Variants in NCOA3 observed in about 807,000 individuals in gnomAD.
The protein encoded by NCOA3 is nuclear receptor coactivator 3.
In NCOA3, 51 loss-of-function variants were observed where a neutral mutation model predicts 158.8. The ratio of observed to expected loss-of-function variants is 0.32; its 90% confidence interval spans 0.26 to 0.41. The LOEUF (loss-of-function observed/expected upper bound fraction) is 0.41, where lower values mean the gene tolerates loss of function less well. NCOA3 is among the 10% of genes least tolerant of loss of function. NCOA3 has a pLI of 1.00. For missense variants in NCOA3, 1,510 were observed against 1,746.6 expected (o/e 0.86, Z 2.41); for synonymous variants, 537 against 592.4 (o/e 0.91, Z 1.36).
intron 1 of NCOA3, among the ~76,000 whole-genome samples, chr20:47,553,614 G>A (rs1420020065): frequency 7.6e-6 from 1 of 131,860 alleles, no homozygotes; most frequent in Non-Finnish European, 1.5e-5. Flanking sequence ...TGTTCTCATT[G>A]TTCAATTCCC....
intron 19 of NCOA3, 41 bp downstream of exon 19, chr20:47,649,150 C>G: frequency 7.7e-7 from 1 of 1,304,040 alleles, no homozygotes; most frequent in Non-Finnish European, 1.1e-6. Context: ...GCTCTGTGCT[C>G]AGGACAGGGC....
Position 47,640,018 on chromosome 20 carries a change from C to T in NCOA3, c.3047C>T (p.Ser1016Phe), listed in dbSNP as rs1311487976. 1.2e-6 allele frequency: 2 copies of T among 1,614,160 alleles called. No individual in the cohort carries two copies. The highest frequency in any genetic ancestry group is 2.2e-5 in the East Asian group (1 of 44,882). Reference sequence around the variant, plus strand: ...GGTTCCTGGCCCGATGGCATGTTGTCCATGGAACAAGTTTCTCATGGCACT... The same window carrying T: ...GGTTCCTGGCCCGATGGCATGTTGTTCATGGAACAAGTTTCTCATGGCACT... ...QLGSWPDGML[S>F]MEQVSHGTQN... Residue 1016 changes from serine (S) to phenylalanine (F), a missense_variant, in exon 16 of 23, where the codon TCC becomes TTC. Physicochemically the swap from Ser to Phe is radical, Grantham distance 155 (BLOSUM62 -2). Around this residue, in one of 4 missense-constraint regions of NCOA3, gnomAD observed 1,017 missense variants for 1,098.3 expected, o/e 0.93. Transcript: ENST00000371998.
At chr20:47,611,230 T>TTA (rs2086037987) in intron 2 of NCOA3, among the ~76,000 whole-genome samples, 1 of 152,176 alleles carries the variant, frequency 6.6e-6, no homozygotes, top group East Asian at 1.9e-4. Context: ...TTAATTTAAT[T>TTA]TATATCAGAT....
chr20:47,588,131 CTTTTT>C (rs33989951), intron 2 of NCOA3, among the ~76,000 whole-genome samples: 7 of 78,564 alleles, frequency 8.9e-5, no homozygotes, highest in African/African-American at 3.4e-4. Flanking sequence ...CTCCACCCCA[CTTTTT>C]TTTTTTTTTT....
At chr20:47,526,988 A>G (rs2146097791) in intron 1 of NCOA3, among the ~76,000 whole-genome samples, 1 of 152,202 alleles carries the variant, frequency 6.6e-6, no homozygotes, top group East Asian at 1.9e-4. Flanking sequence ...TGGATTTTAG[A>G]TTTCAATTTG....
intron 2 of NCOA3, among the ~76,000 whole-genome samples, chr20:47,620,543 A>T (rs913414352): frequency 6.6e-6 from 1 of 152,188 alleles, no homozygotes; most frequent in Non-Finnish European, 1.5e-5. Flanking sequence ...CCGGGTCAGG[A>T]TTCACCTAGT....
At position 47,639,778 on chromosome 20, in the gene NCOA3, G is replaced by T. The variant is rs765371222; in HGVS notation, c.2909G>T (p.Gly970Val). 1 of 1,614,196 alleles carries T rather than the reference G, an allele frequency of 6.2e-7. No individual in the cohort carries two copies. The highest frequency in any genetic ancestry group is 1.1e-5 in the South Asian group (1 of 91,078). ...TLPLRSNSIP[G>V]ARPVLQQQQQ... is the part of the protein sequence containing the mutation. ...CCTCTTCGGTCTAATAGCATACCAG[G>T]TGCGAGACCAGTATTGCAACAGCAG... Residue 970 changes from glycine (G) to valine (V), a missense_variant, in exon 15 of 23, where the codon GGT (glycine) becomes GTT (valine). By Grantham distance (109) the Gly-to-Val change is moderately radical (BLOSUM62 -3). Around this residue, in one of 4 missense-constraint regions of NCOA3, gnomAD observed 1,017 missense variants for 1,098.3 expected, o/e 0.93. Transcript: ENST00000371998.
intron 2 of NCOA3, among the ~76,000 whole-genome samples, chr20:47,607,378 T>C (rs1190392232): frequency 2.6e-5 from 4 of 152,200 alleles, no homozygotes; most frequent in African/African-American, 7.2e-5. Context: ...ACTAGAAACT[T>C]ACTAATGGAG....
intron 17 of NCOA3, among the ~76,000 whole-genome samples, chr20:47,642,658 A>G (rs1349774570): frequency 6.6e-6 from 1 of 152,208 alleles, no homozygotes; most frequent in Non-Finnish European, 1.5e-5. Context: ...AAGCTACTGT[A>G]CTGTTCTTAA....
At chr20:47,595,592 A>G (rs2085740449) in intron 2 of NCOA3, among the ~76,000 whole-genome samples, 1 of 152,186 alleles carries the variant, frequency 6.6e-6, no homozygotes, top group Admixed American at 6.5e-5. Flanking sequence ...GTTCTATCTA[A>G]ACTGTTAGAA....
chr20:47,639,950 G>C lies in NCOA3; in HGVS notation c.2979G>C (p.Met993Ile). The part of the protein sequence containing the change: ...QMRPGEIPMG[M>I]GANPYGQAAA... Reference sequence around the variant, plus strand: ...GGCCTGGTGAAATCCCCATGGGAATGGGGGCTAATCCCTATGGCCAAGCAG... The same window carrying C: ...GGCCTGGTGAAATCCCCATGGGAATCGGGGCTAATCCCTATGGCCAAGCAG... The change falls in exon 16 of 23, where the codon ATG (methionine) becomes ATC (isoleucine). Residue 993 changes from methionine to isoleucine, a missense_variant. Physicochemically the swap from Met to Ile is conservative, Grantham distance 10. Transcript: ENST00000371998. The C allele has an allele frequency of 1.9e-6, 3 of 1,614,162 alleles. No individual in the cohort carries two copies. Among genetic ancestry groups the C allele is most frequent in the Non-Finnish European group, 2.5e-6 (3 of 1,180,026 alleles).
In NCOA3 at chr20:47,651,122, A is replaced by ACAGCAACAGCAACAGCAACAG. The variant is rs2146348490; in HGVS notation, c.3804_3824dup (p.Gln1270_Gln1276dup). ...AGCAGCAGCAGCAGCAGCAGCAGCA[A>ACAGCAACAGCAACAGCAACAG]CAGCAACAGCAACAGCAACAGCAGC... On this transcript the variant is annotated inframe_insertion, in exon 20 of 23. Coordinates refer to ENST00000371998, the MANE Select transcript of NCOA3 (RefSeq NM_181659.3). 3 of 1,547,528 alleles carry ACAGCAACAGCAACAGCAACAG rather than the reference A, an allele frequency of 1.9e-6. No homozygotes were observed. Among genetic ancestry groups the ACAGCAACAGCAACAGCAACAG allele is most frequent in the Non-Finnish European group, 2.6e-6 (3 of 1,136,856 alleles).
rs2086738882 is a variant in NCOA3, at chr20:47,649,092, C to G, written c.3634C>G (p.Pro1212Ala). The change falls in exon 19 of 23, where the codon CCC (proline) becomes GCC (alanine). Residue 1212 changes from proline (P) to alanine (A), a missense_variant. Around this residue, in one of 4 missense-constraint regions of NCOA3, gnomAD observed 1,017 missense variants for 1,098.3 expected, o/e 0.93. Transcript: ENST00000371998. ...GAAVMRPMMQ[P>A]QVSSQQGFLN... Reference sequence around the variant, plus strand: ...TGCGGTGATGAGGCCTATGATGCAGCCCCAGGTGAGCTCCCAGGTGAGGAT... The same window carrying G: ...TGCGGTGATGAGGCCTATGATGCAGGCCCAGGTGAGCTCCCAGGTGAGGAT... The G allele has an allele frequency of 2.5e-6, 4 of 1,612,866 alleles. No homozygotes were observed. In the South Asian group the frequency reaches 4.4e-5, roughly 18 times the overall value.
chr20:47,522,636 C>T (rs8184074), intron 1 of NCOA3, among the ~76,000 whole-genome samples: 1 of 151,938 alleles, frequency 6.6e-6, no homozygotes, highest in Admixed American at 6.6e-5. Context: ...AAATCATTCG[C>T]GTAGCCCGTG....
At chr20:47,584,619 CAA>C (rs59337239) in intron 2 of NCOA3, among the ~76,000 whole-genome samples, 68 of 108,282 alleles carry the variant, frequency 6.3e-4, no homozygotes, top group South Asian at 1.5e-3. Flanking sequence ...GACTTCATCT[CAA>C]AAAAAAAAAA....
At chr20:47,629,480 T>C (rs2086379110) in intron 8 of NCOA3, among the ~76,000 whole-genome samples, 1 of 151,894 alleles carries the variant, frequency 6.6e-6, no homozygotes, top group Admixed American at 6.6e-5. Flanking sequence ...CAGGCGCCCA[T>C]CACCACGCCT....
intron 1 of NCOA3, among the ~76,000 whole-genome samples, chr20:47,542,332 G>C (rs911489022): frequency 3.3e-5 from 5 of 151,768 alleles, no homozygotes; most frequent in African/African-American, 1.2e-4. Flanking sequence ...AAGTAACCGT[G>C]CCCGGCTTCC....
intron 1 of NCOA3, among the ~76,000 whole-genome samples, chr20:47,520,090 AGG>A (rs1273049934): frequency 3.5e-5 from 5 of 143,690 alleles, no homozygotes; most frequent in Non-Finnish European, 7.7e-5. Flanking sequence ...AAAAAAAAAA[AGG>A]AAGGCTACAG....
At chr20:47,615,313 A>G (rs1400934397) in intron 2 of NCOA3, among the ~76,000 whole-genome samples, 1 of 152,216 alleles carries the variant, frequency 6.6e-6, no homozygotes, top group Non-Finnish European at 1.5e-5. Context: ...TGGATAACCC[A>G]TCTGCTATTT....
Sources: allele counts gnomAD v4.1 joint callset (sites outside exome capture counted in the v4.1 genomes callset), GRCh38; gene constraint gnomAD v4.1.1; regional missense constraint gnomAD v4.1.1; transcripts MANE v1.5; gene names NCBI Gene and HGNC (gene_info 2026-07-23, HGNC 2026-07-21).